Variants in GRIP2 observed in about 807,000 individuals in gnomAD.
The protein encoded by GRIP2 is glutamate receptor interacting protein 2.
Under a neutral mutation model 108.3 loss-of-function variants are expected in GRIP2, and 58 were observed. The ratio of observed to expected loss-of-function variants is 0.54; its 90% CI spans 0.43 to 0.67. The LOEUF (loss-of-function observed/expected upper bound fraction) is 0.67. GRIP2 is among the 30% of genes least tolerant of loss of function. GRIP2 has a pLI of 0.00. For synonymous variants in GRIP2, 586 were observed against 598.2 expected, an observed-to-expected ratio of 0.98 and a Z score of 0.30; for missense variants, 1,278 against 1,430.6, an observed-to-expected ratio of 0.89 and a Z score of 1.72.
upstream of GRIP2, among the ~76,000 whole-genome samples, chr3:14,540,661 G>C (rs1559352500): frequency 6.6e-6 from 1 of 152,026 alleles, no homozygotes; most frequent in African/African-American, 2.4e-5. This position sits in a 1 kb window ranked among gnomAD's most constrained non-coding sequence, Gnocchi z 4.1. Context: ...CTAGGCATCA[G>C]TTTTTTCATC....
At chr3:14,524,288 C>T (rs943280913) in intron 4 of GRIP2, 105 bp downstream of exon 4, 4 of 1,336,278 alleles carry the variant, frequency 3.0e-6, no homozygotes, top group African/African-American at 2.9e-5. Context: ...AGGTTCTACC[C>T]ACTCCATCTG....
chr3:14,590,301 G>T, the GRIP2 span, among the ~76,000 whole-genome samples: 3 of 152,272 alleles, frequency 2.0e-5, no homozygotes, highest in South Asian at 4.1e-4. Flanking sequence ...TTGATTTGCA[G>T]ATCTTTGTGT....
At chr3:14,506,694 AG>A (rs1693936579) in intron 19 of GRIP2, 106 bp downstream of exon 19, 2 of 1,068,650 alleles carry the variant, frequency 1.9e-6, no homozygotes, top group Non-Finnish European at 2.6e-6. Context: ...ATGCCAGGAG[AG>A]GAGCGCAGGA....
In GRIP2 at chr3:14,520,167, G is replaced by A. The variant is rs375948443; in HGVS notation, c.973C>T (p.Arg325Trp). Residue 325 changes from arginine (R) to tryptophan (W), a missense_variant, in exon 9 of 24, where the codon CGG (arginine) becomes TGG (tryptophan). Transcript: ENST00000621039. ...TGGGGCACAGGCAGGATCTCCAGCCGCACCTTCTCTGAAATGCTGGCCAGG... is the reference window on the plus strand; with the variant it reads ...TGGGGCACAGGCAGGATCTCCAGCCACACCTTCTCTGAAATGCTGGCCAGG... The part of the protein sequence containing the change: ...KLLASISEKV[R>W]LEILPVPQSQ... 5.0e-6 allele frequency: 8 copies of A among 1,611,960 alleles called. No homozygotes were observed. The highest frequency in any genetic ancestry group is 6.8e-6 in the Non-Finnish European group (8 of 1,179,354).
Position 14,517,200 on chromosome 3 carries a change from A to C in GRIP2, c.1170T>G (p.Thr390=). 1.3e-6 allele frequency: 2 copies of C among 1,592,320 alleles called. No homozygotes were observed. Among genetic ancestry groups the C allele is most frequent in the Non-Finnish European group, 1.7e-6 (2 of 1,169,596 alleles). The change falls in exon 11 of 24, where the codon ACT becomes ACG. Residue 390 remains threonine (T), a synonymous_variant. Transcript: ENST00000621039. ...GQDQSRSLSS[T]PFSSPTLNHA... is the part of the protein sequence containing the mutation. ...GGTTCAAGGTCGGCGAGGAAAAGGG[A>C]GTTGAAGACAAGGCTGGGGAGATGA...
chr3:14,585,615 A>T, the GRIP2 span, among the ~76,000 whole-genome samples: 1 of 152,194 alleles, frequency 6.6e-6, no homozygotes, highest in Admixed American at 6.5e-5. Flanking sequence ...GAGGCAGGCT[A>T]GGCTTAAAGG....
At chr3:14,528,544 T>C (rs1239586065) in intron 1 of GRIP2, among the ~76,000 whole-genome samples, 1 of 152,144 alleles carries the variant, frequency 6.6e-6, no homozygotes, top group Non-Finnish European at 1.5e-5. Flanking sequence ...CACTTGGTAA[T>C]ATCAGTTAGG....
intron 13 of GRIP2, 62 bp downstream of exon 13, chr3:14,513,603 A>G: frequency 1.3e-6 from 2 of 1,543,804 alleles, no homozygotes; most frequent in South Asian, 2.4e-5. Flanking sequence ...GCGAGGCAGG[A>G]TAAAGAGAGG....
chr3:14,559,439 CAAA>C (rs56183499), upstream of GRIP2, among the ~76,000 whole-genome samples: 92 of 121,762 alleles, frequency 7.6e-4, no homozygotes, highest in African/African-American at 2.0e-3. Context: ...AAGAATTTAT[CAAA>C]AAAAAAAAAA....
At chr3:14,499,645 A>G (rs574827149) in intron 21 of GRIP2, among the ~76,000 whole-genome samples, 6 of 152,146 alleles carry the variant, frequency 3.9e-5, no homozygotes, top group African/African-American at 1.4e-4. Context: ...AATTGCTTGA[A>G]CCCAGGAGGT....
the GRIP2 span, among the ~76,000 whole-genome samples, chr3:14,599,866 C>CACACACACAGACACACAT: frequency 1.3e-5 from 2 of 151,808 alleles, no homozygotes; most frequent in Admixed American, 1.3e-4. Context: ...AACACAGTCA[C>CACACACACAGACACACAT]ACACACACAG....
intron 23 of GRIP2, 138 bp from the exon 24 acceptor site, chr3:14,493,964 C>T: frequency 1.3e-6 from 1 of 772,408 alleles, no homozygotes; most frequent in South Asian, 2.1e-5. Flanking sequence ...GCACCACACA[C>T]AGAGGAACAT....
the GRIP2 span, among the ~76,000 whole-genome samples, chr3:14,598,714 G>C: frequency 6.6e-6 from 1 of 152,120 alleles, no homozygotes; most frequent in Non-Finnish European, 1.5e-5. Context: ...GTCCTACACT[G>C]ATCTGACTTT....
chr3:14,597,855 A>T, the GRIP2 span, among the ~76,000 whole-genome samples: 1 of 152,228 alleles, frequency 6.6e-6, no homozygotes, highest in Admixed American at 6.5e-5. Flanking sequence ...GACTTCCACC[A>T]TTCAAAGCTT....
the GRIP2 span, among the ~76,000 whole-genome samples, chr3:14,575,331 G>A: frequency 1.3e-5 from 2 of 152,212 alleles, no homozygotes; most frequent in Admixed American, 6.5e-5. Context: ...CCACCCCCAG[G>A]TGATTCCAGT....
chr3:14,565,600 G>C, the GRIP2 span, among the ~76,000 whole-genome samples: 4 of 104,604 alleles, frequency 3.8e-5, no homozygotes, highest in African/African-American at 1.2e-4. Context: ...GGGAGAGCAG[G>C]GTTGTGCCAC....
At chr3:14,520,311 G>C in intron 8 of GRIP2, 32 bp from the exon 9 acceptor site, 3 of 1,611,460 alleles carry the variant, frequency 1.9e-6, no homozygotes, top group Non-Finnish European at 2.5e-6. Context: ...GGCGGAGGCT[G>C]GTCCAGGCCA....
At chr3:14,594,307 T>C in the GRIP2 span, among the ~76,000 whole-genome samples, 1 of 152,118 alleles carries the variant, frequency 6.6e-6, no homozygotes, top group East Asian at 1.9e-4. Flanking sequence ...GTCCTGGCCC[T>C]CCCTCAGCCC....
chr3:14,567,947 C>T, the GRIP2 span, among the ~76,000 whole-genome samples: 2 of 152,318 alleles, frequency 1.3e-5, no homozygotes, highest in South Asian at 4.1e-4. Flanking sequence ...GGGGACCCAA[C>T]CATGCCCAAC....
Sources: allele counts gnomAD v4.1 joint callset (sites outside exome capture counted in the v4.1 genomes callset), GRCh38; gene constraint gnomAD v4.1.1; non-coding constraint Gnocchi (gnomAD v3.1); transcripts MANE v1.5; gene names NCBI Gene and HGNC (gene_info 2026-07-23, HGNC 2026-07-21).